The following CBL variants were observed in gnomAD, a reference collection of about 807,000 sequenced individuals.
CBL encodes the protein Cbl proto-oncogene.
Under a neutral mutation model 96.9 loss-of-function variants are expected in CBL, and 45 were observed. The ratio of observed to expected loss-of-function variants is 0.46; its 90% CI spans 0.37 to 0.60. CBL has a LOEUF of 0.60. Ranked by LOEUF, CBL falls within the 20% of genes least tolerant of loss-of-function variation. CBL has a pLI of 0.00. For synonymous variants in CBL, 420 were observed against 426.8 expected, an observed-to-expected ratio of 0.98 and a Z score of 0.20; for missense variants, 1,024 against 1,143.5, an observed-to-expected ratio of 0.90 and a Z score of 1.51.
intron 14 of CBL, 135 bp downstream of exon 14, chr11:119,297,616 C>G (rs1174289379): frequency 1.4e-6 from 1 of 715,490 alleles, no homozygotes; most frequent in African/African-American, 1.7e-5. Context: ...TGCCACCATG[C>G]CCGGCTAATT....
At chr11:119,250,570 G>C (rs187970958) in intron 2 of CBL, among the ~76,000 whole-genome samples, 2 of 152,258 alleles carry the variant, frequency 1.3e-5, no homozygotes, top group African/African-American at 4.8e-5. Flanking sequence ...AAACTCTCCA[G>C]GCAGTAAGTT....
At chr11:119,286,309 AT>A (rs1949984089) in intron 11 of CBL, among the ~76,000 whole-genome samples, 1 of 152,208 alleles carries the variant, frequency 6.6e-6, no homozygotes, top group Non-Finnish European at 1.5e-5. Context: ...CAAAAAAAAA[AT>A]GTGTATATTC....
At chr11:119,260,939 C>CTTTTTT (rs35248070) in intron 2 of CBL, among the ~76,000 whole-genome samples, 4,774 of 89,672 alleles carry the variant, frequency 0.053, 489 homozygotes, top group African/African-American at 0.12. Context: ...TAAATCTCTA[C>CTTTTTT]TTTTTTTTTT....
intron 2 of CBL, among the ~76,000 whole-genome samples, chr11:119,240,620 G>A (rs1002746574): frequency 6.6e-6 from 1 of 152,212 alleles, no homozygotes; most frequent in African/African-American, 2.4e-5. Context: ...GAGAGGTTAA[G>A]TACTGGGATT....
Position 119,244,581 on chromosome 11 carries a change from A to AT in CBL, c.443+11904dup, listed in dbSNP as rs532837579. Among the ~76,000 whole-genome samples the AT allele has an allele frequency of 7.2e-3, 750 of 104,386 alleles. 32 individuals are homozygous for AT. Among genetic ancestry groups the AT allele is most frequent in the Middle Eastern group, 0.014 (3 of 208 alleles). The allele number at this position is 104,386 out of a possible 152,430, so 68.5% of individuals were successfully genotyped here. On this transcript the variant is annotated intron_variant, in intron 2 of 15. Transcript: ENST00000264033. ...AGGTGCATGCTACCATGCCCGGCTA[A>AT]TTTTTTTTTTTTTTTTTTGAGACGG... is the stretch of plus-strand genomic sequence containing the variant.
In CBL at chr11:119,287,932, T is replaced by C. The variant is rs778743118; in HGVS notation, c.2022T>C (p.Tyr674=). 4.3e-6 allele frequency: 7 copies of C among 1,612,078 alleles called. No homozygotes were observed. The highest frequency in any genetic ancestry group is 5.9e-6 in the Non-Finnish European group (7 of 1,178,076). ...CTTCCTCATCTGCCAATGCCATTTA[T>C]TCTCTGGCTGCCAGGTAAGTCTGCT... ...IKPSSSANAI[Y]SLAARPLPVP... is the part of the protein sequence containing the mutation. The change falls in exon 12 of 16, where the codon TAT becomes TAC. Residue 674 remains tyrosine, a synonymous_variant. Coordinates refer to ENST00000264033, the MANE Select transcript of CBL (RefSeq NM_005188.4).
At chr11:119,264,447 C>CTTCTCTTTTCTTCTT (rs1949783676) in intron 2 of CBL, among the ~76,000 whole-genome samples, 1 of 125,758 alleles carries the variant, frequency 8.0e-6, no homozygotes, top group Non-Finnish European at 1.7e-5. Context: ...TCTTCTTTCT[C>CTTCTCTTTTCTTCTT]TTCTCTTCTC....
chr11:119,289,040 CCTT>C (rs1343930692), intron 12 of CBL, among the ~76,000 whole-genome samples: 1 of 152,134 alleles, frequency 6.6e-6, no homozygotes, highest in Non-Finnish European at 1.5e-5. Flanking sequence ...TTCTAGTTAT[CCTT>C]CTGTTACTGC....
At chr11:119,256,691 T>G (rs1238386162) in intron 2 of CBL, among the ~76,000 whole-genome samples, 8 of 151,898 alleles carry the variant, frequency 5.3e-5, no homozygotes, top group South Asian at 2.1e-4. Flanking sequence ...AGTTTGTTTT[T>G]TTTTTTTTTT....
rs1565859752 is a variant in CBL at position 119,232,444 on chromosome 11, G to A, written c.196-4G>A. ...TAATAGCCCTTCTTTTTCATTTGTT[G>A]CAGGTGGTGCGGTTGTGTCAGAACC... On this transcript the variant is annotated splice_polypyrimidine_tract_variant and splice_region_variant and intron_variant, in intron 1 of 15. Transcript: ENST00000264033. 3.1e-6 allele frequency: 5 copies of A among 1,613,252 alleles called. No homozygotes were observed. Among genetic ancestry groups the A allele is most frequent in the African/African-American group, 1.3e-5 (1 of 75,024 alleles).
chr11:119,225,079 C>CGT (rs1007238025), intron 1 of CBL, among the ~76,000 whole-genome samples: 4 of 150,842 alleles, frequency 2.7e-5, no homozygotes, highest in African/African-American at 9.8e-5. Flanking sequence ...TGTGTGCGCG[C>CGT]GCTTGTATGT....
At chr11:119,277,887 C>A in intron 7 of CBL, 43 bp downstream of exon 7, 2 of 1,275,852 alleles carry the variant, frequency 1.6e-6, no homozygotes, top group Non-Finnish European at 2.3e-6. Flanking sequence ...TGGACACAAG[C>A]TTTAGTATAT....
intron 1 of CBL, among the ~76,000 whole-genome samples, chr11:119,213,084 G>A (rs1949331123): frequency 1.3e-5 from 2 of 151,888 alleles, no homozygotes; most frequent in South Asian, 2.1e-4. Flanking sequence ...CACAGTGTTG[G>A]GATTACAGGC....
At chr11:119,254,026 T>C (rs890381318) in intron 2 of CBL, among the ~76,000 whole-genome samples, 1 of 142,136 alleles carries the variant, frequency 7.0e-6, no homozygotes, top group South Asian at 2.2e-4. Context: ...ATACACTGAT[T>C]GATGAAAAAT....
At chr11:119,222,192 A>G (rs1949417323) in intron 1 of CBL, among the ~76,000 whole-genome samples, 1 of 152,094 alleles carries the variant, frequency 6.6e-6, no homozygotes, top group Admixed American at 6.6e-5. Flanking sequence ...TTTTAGTCTT[A>G]CATGTGTATG....
intron 1 of CBL, among the ~76,000 whole-genome samples, chr11:119,223,973 C>T (rs1949434388): frequency 6.6e-6 from 1 of 152,078 alleles, no homozygotes; most frequent in Non-Finnish European, 1.5e-5. Flanking sequence ...AAAAGAGTAC[C>T]TACCTGTATA....
intron 3 of CBL, among the ~76,000 whole-genome samples, chr11:119,272,667 A>C (rs924304592): frequency 2.6e-5 from 4 of 152,228 alleles, no homozygotes; most frequent in African/African-American, 9.6e-5. Context: ...AATTGGTGTA[A>C]TATTTTGCTT....
At chr11:119,215,169 G>A (rs1044447679) in intron 1 of CBL, among the ~76,000 whole-genome samples, 10 of 152,006 alleles carry the variant, frequency 6.6e-5, no homozygotes, top group Admixed American at 2.6e-4. Context: ...TGCTCTCTCC[G>A]TTTTGTGAGT....
Position 119,301,274 on chromosome 11 carries a change from T to C in CBL, c.*1493T>C, listed in dbSNP as rs1950099714. The C allele has an allele frequency of 1.3e-5, 3 of 233,292 alleles. No homozygotes were observed. Among genetic ancestry groups the C allele is most frequent in the Non-Finnish European group, 2.5e-5 (3 of 118,040 alleles). The allele number at this position is 233,292 out of a possible 1,614,324, so 14.5% of individuals were successfully genotyped here. ...AAAGACAGTATGGGCTGGCAGTTTG[T>C]GTAATTGCAAGTTCATAAAGAGAAT... On this transcript the variant is annotated 3_prime_UTR_variant, in exon 16 of 16. Transcript: ENST00000264033.
Sources: gnomAD v4.1 joint callset for allele counts (sites outside exome capture counted in the v4.1 genomes callset) on GRCh38, gnomAD v4.1.1 for gene constraint, MANE v1.5 for transcripts, NCBI Gene and HGNC (gene_info 2026-07-23, HGNC 2026-07-21) for gene names.